The following CYP27A1 variants were observed in gnomAD, a reference collection of about 807,000 sequenced individuals.
CYP27A1 encodes the protein cytochrome P450 family 27 subfamily A member 1, also known as sterol 26-hydroxylase, mitochondrial.
In CYP27A1, 46 loss-of-function variants were observed where a neutral mutation model predicts 58.2. The observed-to-expected ratio is 0.79, with a 90% CI of 0.62 to 1.01. CYP27A1 has a LOEUF of 1.01. CYP27A1 is among the 50% of genes least tolerant of loss of function. The pLI is 0.00. For synonymous variants in CYP27A1, 274 were observed against 285.1 expected (o/e 0.96, Z 0.39); for missense variants, 704 against 687.0 (o/e 1.02, Z -0.28).
chr2:218,792,429 T>G (rs1943503035), intron 1 of CYP27A1, among the ~76,000 whole-genome samples: 1 of 152,208 alleles, frequency 6.6e-6, no homozygotes, highest in Admixed American at 6.5e-5. Context: ...GTTAGCAGTT[T>G]TATAAACCAG....
At chr2:218,792,198 G>A (rs1042841412) in intron 1 of CYP27A1, among the ~76,000 whole-genome samples, 2 of 152,148 alleles carry the variant, frequency 1.3e-5, no homozygotes, top group Non-Finnish European at 2.9e-5. Flanking sequence ...GGTTCTCTGT[G>A]AGTCCATGCT....
intron 1 of CYP27A1, chr2:218,805,777 C>G (rs1042798554): frequency 6.6e-6 from 1 of 152,176 alleles, no homozygotes; most frequent in African/African-American, 2.4e-5. Context: ...GACTTTCCAA[C>G]TGGCTCAGGT....
intron 2 of CYP27A1, among the ~76,000 whole-genome samples, chr2:218,811,473 C>T (rs111375271): frequency 3.3e-5 from 5 of 152,282 alleles, no homozygotes; most frequent in African/African-American, 1.2e-4. Flanking sequence ...GGGGGCAGTC[C>T]CTGGACATTA....
rs887927687 is a variant in CYP27A1, at chr2:218,785,528, G to A, written c.255+3091G>A. The stretch of plus-strand genomic sequence containing the variant: ...GGTGAGAACTAAGGATTTCTCAGGG[G>A]CAGATTTGCTTAGGATGATGTCTAG... On this transcript the variant is annotated intron_variant, in intron 1 of 8. Transcript: ENST00000258415. Among the ~76,000 whole-genome samples the A allele has an allele frequency of 9.9e-5, 15 of 152,160 alleles. No homozygotes were observed. In the South Asian group the frequency reaches 2.9e-3, roughly 30 times the overall value.
At chr2:218,790,846 C>T (rs572341765) in intron 1 of CYP27A1, among the ~76,000 whole-genome samples, 3 of 151,880 alleles carry the variant, frequency 2.0e-5, no homozygotes, top group East Asian at 1.9e-4. Context: ...TACAGGGGTC[C>T]GCCACCACTC....
intron 1 of CYP27A1, chr2:218,805,879 C>T (rs1430588310): frequency 1.3e-5 from 2 of 152,154 alleles, no homozygotes; most frequent in Non-Finnish European, 2.9e-5. Context: ...TAAGTAGATC[C>T]TTGTTAAGTT....
intron 1 of CYP27A1, among the ~76,000 whole-genome samples, chr2:218,786,041 A>G (rs1477695050): frequency 1.3e-5 from 2 of 152,168 alleles, no homozygotes. Flanking sequence ...TCCCCCAGCT[A>G]CTTGGGAGGC....
chr2:218,803,237 G>A (rs1943616296), intron 1 of CYP27A1, among the ~76,000 whole-genome samples: 1 of 152,184 alleles, frequency 6.6e-6, no homozygotes, highest in Non-Finnish European at 1.5e-5. Context: ...GGTATAATGG[G>A]CGTGAACCAC....
chr2:218,812,955 T>C lies in CYP27A1; in HGVS notation c.876T>C (p.Asp292=), dbSNP rs766678004. 1 of 1,614,178 alleles carries C rather than the reference T, an allele frequency of 6.2e-7. No individual in the cohort carries two copies. The highest frequency in any genetic ancestry group is 8.5e-7 in the Non-Finnish European group (1 of 1,180,034). ...GKKLIDEKLE[D]MEAQLQAAGP... The stretch of plus-strand genomic sequence containing the variant: ...AGCTGATTGATGAGAAGCTCGAAGA[T>C]ATGGAGGCCCAACTGCAGGCAGCAG... The change falls in exon 5 of 9, where the codon GAT becomes GAC. Residue 292 remains aspartate, a synonymous_variant. Transcript: ENST00000258415.
chr2:218,799,266 A>G (rs760307407), intron 1 of CYP27A1, among the ~76,000 whole-genome samples: 4 of 152,074 alleles, frequency 2.6e-5, no homozygotes, highest in Admixed American at 6.6e-5. Context: ...CGCCGCGGTG[A>G]AGCCAGCAGA....
At chr2:218,791,159 C>G (rs1178528688) in intron 1 of CYP27A1, among the ~76,000 whole-genome samples, 1 of 152,158 alleles carries the variant, frequency 6.6e-6, no homozygotes, top group African/African-American at 2.4e-5. Flanking sequence ...CCAATCATTG[C>G]CTCATTTACT....
chr2:218,802,043 G>T (rs1466067094), intron 1 of CYP27A1, among the ~76,000 whole-genome samples: 4 of 150,042 alleles, frequency 2.7e-5, no homozygotes, highest in Admixed American at 2.0e-4. Flanking sequence ...CACGGATGTG[G>T]GTTCTAACTA....
At position 218,809,676 on chromosome 2, in the gene CYP27A1, C is replaced by T. The variant is rs369294392; in HGVS notation, c.355C>T (p.Arg119Trp). ...TGCCCCGCTCTTGGAGCAAGTGATGCGGCAAGAGGGCAAGTACCCAGTACG... is the reference window on the plus strand; with the variant it reads ...TGCCCCGCTCTTGGAGCAAGTGATGTGGCAAGAGGGCAAGTACCCAGTACG... ...ASAPLLEQVMRQEGKYPVRND... is the reference protein window; with the variant it reads ...ASAPLLEQVMWQEGKYPVRND... The change falls in exon 2 of 9, where the codon CGG becomes TGG. Residue 119 changes from arginine to tryptophan, a missense_variant. Physicochemically the swap from Arg to Trp is moderately radical, Grantham distance 101. Coordinates refer to ENST00000258415, the MANE Select transcript of CYP27A1 (RefSeq NM_000784.4). 206 of 1,614,114 alleles carry T rather than the reference C, an allele frequency of 1.3e-4. 3 individuals are homozygous for T. Among genetic ancestry groups the T allele is most frequent in the South Asian group, 8.7e-4 (79 of 91,078 alleles).
At chr2:218,814,816 G>T in intron 8 of CYP27A1, 59 bp downstream of exon 8, 20 of 1,613,560 alleles carry the variant, frequency 1.2e-5, no homozygotes, top group Non-Finnish European at 1.5e-5. Context: ...AGTCCTGGGA[G>T]GAGAGGAAGG....
chr2:218,786,008 G>T (rs921798087), intron 1 of CYP27A1, among the ~76,000 whole-genome samples: 1 of 152,156 alleles, frequency 6.6e-6, no homozygotes, highest in Non-Finnish European at 1.5e-5. Context: ...GCTTTGGCTG[G>T]GTGTGATGGC....
In CYP27A1 at chr2:218,783,257, CAAAAAAAA is replaced by C. The variant is rs371442397; in HGVS notation, c.255+832_255+839del. Reference sequence around the variant, plus strand: ...GGGCAACAAGAGCGAAACTCTGTCTCAAAAAAAAAAAAAAAAAAAGAAAAAAAGAAAAA... The same window carrying C: ...GGGCAACAAGAGCGAAACTCTGTCTCAAAAAAAAAAAGAAAAAAAGAAAAA... On this transcript the variant is annotated intron_variant, in intron 1 of 8. Coordinates refer to ENST00000258415, the MANE Select transcript of CYP27A1 (RefSeq NM_000784.4). 2.4e-4 allele frequency among the ~76,000 whole-genome samples: 19 copies of C among 79,552 alleles called. No homozygotes were observed. In the East Asian group the frequency reaches 2.7e-3, roughly 11 times the overall value. 52.2% of individuals were successfully genotyped at this position (79,552 alleles called of 152,430 possible).
At chr2:218,791,218 T>C (rs1048112371) in intron 1 of CYP27A1, among the ~76,000 whole-genome samples, 5 of 152,210 alleles carry the variant, frequency 3.3e-5, no homozygotes, top group Admixed American at 6.5e-5. Context: ...TTGAGAAGAG[T>C]TAAGACCTCC....
intron 1 of CYP27A1, among the ~76,000 whole-genome samples, chr2:218,785,621 G>A (rs1192780679): frequency 6.6e-6 from 1 of 152,044 alleles, no homozygotes; most frequent in Admixed American, 6.6e-5. Context: ...GGAAAGTCAG[G>A]AAGTATGGCT....
chr2:218,783,931 G>A (rs1309958952), intron 1 of CYP27A1, among the ~76,000 whole-genome samples: 2 of 152,314 alleles, frequency 1.3e-5, no homozygotes, highest in Non-Finnish European at 2.9e-5. Flanking sequence ...GCCATGGTGA[G>A]CTCTTGAGCA....
Sources: gnomAD v4.1 joint callset for allele counts (sites outside exome capture counted in the v4.1 genomes callset) on GRCh38, gnomAD v4.1.1 for gene constraint, MANE v1.5 for transcripts, NCBI Gene and HGNC (gene_info 2026-07-23, HGNC 2026-07-21) for gene names.